MAP3K2: variants seen among roughly 807,000 people sequenced by gnomAD.
MAP3K2 encodes MAP/ERK kinase kinase 2.
In MAP3K2, 24 loss-of-function variants were observed where a neutral mutation model predicts 80.3. The ratio of observed to expected loss-of-function variants is 0.30; its 90% CI spans 0.22 to 0.42. The LOEUF (loss-of-function observed/expected upper bound fraction) is 0.42, where lower values mean the gene tolerates loss of function less well. MAP3K2 is among the 10% of genes least tolerant of loss of function. The pLI is 1.00. For missense variants in MAP3K2, 608 were observed against 750.1 expected, an observed-to-expected ratio of 0.81 and a Z score of 2.21; for synonymous variants, 244 against 253.7, an observed-to-expected ratio of 0.96 and a Z score of 0.36.
In MAP3K2 at chr2:127,322,262, GAA is replaced by G. The variant is rs1686039136; in HGVS notation, c.839-12_839-11del. ...GGAAAAGTTTTACGACCTAAAAAAT[GAA>G]AAGAGAATGACCTTATACCTTTTAT... On this transcript the variant is annotated splice_polypyrimidine_tract_variant and intron_variant, in intron 11 of 16. Coordinates refer to ENST00000682094, the MANE Select transcript of MAP3K2 (RefSeq NM_001371910.2). This position sits in a 1 kb window ranked among gnomAD's most constrained non-coding sequence, Gnocchi z 4.2. 6 of 1,566,818 alleles carry G rather than the reference GAA, an allele frequency of 3.8e-6. No individual in the cohort carries two copies. Among genetic ancestry groups the G allele is most frequent in the Non-Finnish European group, 4.4e-6 (5 of 1,137,704 alleles).
At chr2:127,319,650 CAAAAAAAAAAAAAAAAAAAA>C (rs57472022) in intron 12 of MAP3K2, among the ~76,000 whole-genome samples, 2 of 71,828 alleles carry the variant, frequency 2.8e-5, no homozygotes, top group Admixed American at 2.1e-4. Flanking sequence ...ACTAAAAATA[CAAAAAAAAAAAAAAAAAAAA>C]AAAAAAAAGA....
At chr2:127,365,108 C>G (rs552614793) in intron 1 of MAP3K2, among the ~76,000 whole-genome samples, 10 of 79,100 alleles carry the variant, frequency 1.3e-4, no homozygotes, top group Admixed American at 2.0e-4. Context: ...CAGAGTGAGA[C>G]TCTGCCTCAA....
Position 127,324,171 on chromosome 2 carries a change from A to T in MAP3K2, c.745+3T>A. ...TAAACATTTAGAATTTATAAAGTCTAACCTGAAAATTCCTGATGATTATCT... is the reference window on the plus strand; with the variant it reads ...TAAACATTTAGAATTTATAAAGTCTTACCTGAAAATTCCTGATGATTATCT... On this transcript the variant is annotated splice_donor_region_variant and intron_variant, in intron 10 of 16. Transcript: ENST00000682094. 4.6e-6 allele frequency: 7 copies of T among 1,537,048 alleles called. No individual in the cohort carries two copies. The highest frequency in any genetic ancestry group is 6.1e-6 in the Non-Finnish European group (7 of 1,139,108).
chr2:127,338,538 T>C (rs1405173111), intron 3 of MAP3K2, among the ~76,000 whole-genome samples: 1 of 152,188 alleles, frequency 6.6e-6, no homozygotes, highest in Non-Finnish European at 1.5e-5. Flanking sequence ...TATGTCTCCA[T>C]GTGTTCTCAT....
At chr2:127,370,134 C>T (rs72848610) in intron 1 of MAP3K2, among the ~76,000 whole-genome samples, 5,122 of 152,216 alleles carry the variant, frequency 0.034, 124 homozygotes, top group Middle Eastern at 0.071. Flanking sequence ...GGGCGCAGCA[C>T]GACCATGTGA....
rs1418531919 is a variant in MAP3K2, at chr2:127,301,189, C to A, written c.*6390G>T. 2 of 152,198 alleles carry A rather than the reference C, an allele frequency of 1.3e-5. No individual in the cohort carries two copies. The highest frequency in any genetic ancestry group is 4.1e-4 in the South Asian group (2 of 4,832). The allele number at this position is 152,198 out of a possible 1,614,324, so 9.4% of individuals were successfully genotyped here. ...CTATGGCACAAAGCAGACATCAGTC[C>A]AGAACCTACTTTTCCTCACAGCTTT... On this transcript the variant is annotated 3_prime_UTR_variant, in exon 17 of 17. Transcript: ENST00000682094.
chr2:127,353,863 T>C (rs867636768), intron 1 of MAP3K2, among the ~76,000 whole-genome samples: 1 of 151,882 alleles, frequency 6.6e-6, no homozygotes, highest in Non-Finnish European at 1.5e-5. Context: ...TAGAAAGAAG[T>C]AGACATGGGA....
intron 1 of MAP3K2, among the ~76,000 whole-genome samples, chr2:127,373,742 C>T (rs982360776): frequency 1.4e-4 from 22 of 152,114 alleles, no homozygotes; most frequent in African/African-American, 4.8e-4. Context: ...GCTCACATAC[C>T]GGGACTAAAA....
intron 1 of MAP3K2, among the ~76,000 whole-genome samples, chr2:127,369,638 C>G (rs1038352178): frequency 2.6e-5 from 4 of 152,076 alleles, no homozygotes; most frequent in Non-Finnish European, 5.9e-5. Flanking sequence ...AACTTTTCCA[C>G]AGAAAACACT....
At chr2:127,340,473 A>G (rs1686455395) in intron 2 of MAP3K2, among the ~76,000 whole-genome samples, 1 of 152,168 alleles carries the variant, frequency 6.6e-6, no homozygotes, top group Admixed American at 6.5e-5. Flanking sequence ...TCTGGCCGAT[A>G]TGGTGAAACC....
Position 127,317,610 on chromosome 2 carries a change from A to G in MAP3K2, c.1326+19T>C. ...ATTTTAAATAGAATGTGTATTTTCA[A>G]AAAGATGTACTAACTTACCCCTGGC... is the stretch of plus-strand genomic sequence containing the variant. On this transcript the variant is annotated intron_variant, in intron 14 of 16. Transcript: ENST00000682094. 1 of 1,513,640 alleles carries G rather than the reference A, an allele frequency of 6.6e-7. No individual in the cohort carries two copies. Among genetic ancestry groups the G allele is most frequent in the Non-Finnish European group, 8.8e-7 (1 of 1,133,846 alleles). 93.8% of individuals were successfully genotyped at this position (1,513,640 alleles called of 1,614,324 possible).
chr2:127,317,319 A>T (rs1685927047), intron 14 of MAP3K2, among the ~76,000 whole-genome samples: 1 of 152,188 alleles, frequency 6.6e-6, no homozygotes, highest in African/African-American at 2.4e-5. Flanking sequence ...ATAACAATTA[A>T]ATGTATGTAT....
At chr2:127,349,544 C>G (rs185409847) in intron 1 of MAP3K2, among the ~76,000 whole-genome samples, 105 of 152,162 alleles carry the variant, frequency 6.9e-4, no homozygotes, top group Non-Finnish European at 1.1e-3. Context: ...GACTTTTAAT[C>G]AAGACAAATA....
At chr2:127,388,233 G>C, upstream of MAP3K2, 4 of 863,424 alleles carry the variant, frequency 4.6e-6, no homozygotes, top group Non-Finnish European at 5.4e-6. Flanking sequence ...TTCCGTGTGC[G>C]CGGCGCATAC....
intron 3 of MAP3K2, 59 bp downstream of exon 3, chr2:127,338,873 A>G (rs1357941696): frequency 9.6e-6 from 11 of 1,146,214 alleles, no homozygotes; most frequent in African/African-American, 7.8e-5. Flanking sequence ...CAAGTCCTCC[A>G]TAAGATTAGG....
intron 12 of MAP3K2, among the ~76,000 whole-genome samples, chr2:127,320,623 GA>G (rs968571850): frequency 1.3e-5 from 2 of 152,104 alleles, no homozygotes; most frequent in African/African-American, 4.8e-5. Flanking sequence ...TAAACTGAAA[GA>G]ACACCAGCTG....
At chr2:127,345,161 C>T (rs76914407) in intron 1 of MAP3K2, among the ~76,000 whole-genome samples, 4 of 152,052 alleles carry the variant, frequency 2.6e-5, no homozygotes, top group African/African-American at 4.8e-5. Flanking sequence ...ATTTTAAATT[C>T]GAAGACAAAA....
intron 2 of MAP3K2, among the ~76,000 whole-genome samples, 154 bp downstream of exon 2, chr2:127,342,970 CAA>C (rs991486440): frequency 5.3e-5 from 8 of 152,236 alleles, no homozygotes; most frequent in African/African-American, 1.9e-4. Flanking sequence ...TACTTTAATT[CAA>C]AGTCTATTAA....
At chr2:127,337,384 T>C (rs1573991080) in intron 4 of MAP3K2, among the ~76,000 whole-genome samples, 1 of 152,312 alleles carries the variant, frequency 6.6e-6, no homozygotes. Flanking sequence ...TAAGCTCACA[T>C]ATATAAATGC....
Sources: gnomAD v4.1 joint callset for allele counts (sites outside exome capture counted in the v4.1 genomes callset) on GRCh38, gnomAD v4.1.1 for gene constraint, Gnocchi (gnomAD v3.1) non-coding constraint, MANE v1.5 for transcripts, NCBI Gene and HGNC (gene_info 2026-07-23, HGNC 2026-07-21) for gene names.